LAMA3: variants seen among roughly 807,000 people sequenced by gnomAD.
LAMA3 encodes the protein laminin subunit alpha 3, also known as laminin subunit alpha-3.
LAMA3 carries 281 observed loss-of-function variants against 402.0 expected under a neutral mutation model. The ratio of observed to expected loss-of-function variants is 0.70; its 90% CI spans 0.63 to 0.77. The LOEUF (loss-of-function observed/expected upper bound fraction) is 0.77. Among genes scored for constraint, LAMA3 ranks in the 30% least tolerant of loss-of-function variants. The pLI is 0.00. For missense variants in LAMA3, 3,840 were observed against 4,215.5 expected, an observed-to-expected ratio of 0.91 and a Z score of 2.47; for synonymous variants, 1,431 against 1,558.4, an observed-to-expected ratio of 0.92 and a Z score of 1.93.
rs1262340 is a variant in LAMA3, at chr18:23,895,189, G to A, written c.5613+131G>A. On this transcript the variant is annotated intron_variant, in intron 44 of 74. Transcript: ENST00000313654. ...TTGTCCTCCTTCCTCTGATCCAAAT[G>A]AAGATAAGACTTTTCCTGGTGGAAA... 0.14 allele frequency: 147,354 copies of A among 1,049,764 alleles called. 12,529 individuals are homozygous for A. The highest frequency in any genetic ancestry group is 0.17 in the Non-Finnish European group (121,625 of 706,678). 65.0% of individuals were successfully genotyped at this position (1,049,764 alleles called of 1,614,324 possible).
At chr18:23,908,533 CAAAAAAAA>C (rs111961159) in intron 54 of LAMA3, among the ~76,000 whole-genome samples, 1 of 57,044 alleles carries the variant, frequency 1.8e-5, no homozygotes, top group Non-Finnish European at 4.1e-5. Context: ...CCATCTCAAA[CAAAAAAAA>C]AAAAAAAAAA....
At chr18:23,909,412 A>G in intron 55 of LAMA3, 117 bp downstream of exon 55, 2 of 946,078 alleles carry the variant, frequency 2.1e-6, no homozygotes, top group Non-Finnish European at 3.4e-6. Flanking sequence ...TCTTTCCCCA[A>G]TTCTTGTGTT....
chr18:23,889,403 A>G (rs1192039082), intron 41 of LAMA3, among the ~76,000 whole-genome samples: 1 of 151,784 alleles, frequency 6.6e-6, no homozygotes, highest in Non-Finnish European at 1.5e-5. Context: ...CTCTACTAAA[A>G]ATTAAAAAAT....
At chr18:23,761,952 C>T (rs2061978018) in intron 7 of LAMA3, among the ~76,000 whole-genome samples, 2 of 152,174 alleles carry the variant, frequency 1.3e-5, no homozygotes, top group Non-Finnish European at 2.9e-5. Flanking sequence ...GTGGGTGGCT[C>T]ATGCCTGTAA....
In LAMA3 at chr18:23,729,078, C is replaced by A. The variant is rs571727889; in HGVS notation, c.447+15006C>A. 2.4e-3 allele frequency among the ~76,000 whole-genome samples: 361 copies of A among 147,972 alleles called. 2 individuals are homozygous for A. The highest frequency in any genetic ancestry group is 8.8e-3 in the African/African-American group (351 of 40,082). On this transcript the variant is annotated intron_variant, in intron 2 of 74. Coordinates refer to ENST00000313654, the MANE Select transcript of LAMA3 (RefSeq NM_198129.4). ...ATGAAGGAAAGTATTGAGGGGTGACCATACTGAAGTTTTTAAAAAGTGCAT... is the reference window on the plus strand; with the variant it reads ...ATGAAGGAAAGTATTGAGGGGTGACAATACTGAAGTTTTTAAAAAGTGCAT...
rs1240541442 is a variant in LAMA3, at chr18:23,904,157, AGG to A, written c.6473+71_6473+72del. ...TCAGCAGCTTGTCCTGAGACAAGCA[AGG>A]CCCTCCCCTGGGTTGGCTGGGTCTC... On this transcript the variant is annotated intron_variant, in intron 50 of 74. Coordinates refer to ENST00000313654, the MANE Select transcript of LAMA3 (RefSeq NM_198129.4). 2.2e-5 allele frequency: 34 copies of A among 1,577,224 alleles called. No individual in the cohort carries two copies. In the African/African-American group the frequency reaches 4.4e-4, roughly 21 times the overall value.
At chr18:23,697,880 A>G (rs61429550) in intron 1 of LAMA3, among the ~76,000 whole-genome samples, 7,264 of 151,992 alleles carry the variant, frequency 0.048, 429 homozygotes, top group Admixed American at 0.17. Flanking sequence ...AGTCTAAGGC[A>G]TGGGTATGGC....
At chr18:23,843,227 G>A (rs1404337955) in intron 29 of LAMA3, among the ~76,000 whole-genome samples, 4 of 152,148 alleles carry the variant, frequency 2.6e-5, no homozygotes, top group South Asian at 2.1e-4. Flanking sequence ...CTGTGGGAAG[G>A]ACACCCACAT....
intron 8 of LAMA3, among the ~76,000 whole-genome samples, chr18:23,770,739 C>T (rs1056696758): frequency 7.2e-5 from 11 of 151,886 alleles, no homozygotes; most frequent in African/African-American, 1.2e-4. Context: ...CCAGCCTGGG[C>T]GACAGAGCGA....
At chr18:23,797,005 G>A (rs1239001614) in intron 12 of LAMA3, among the ~76,000 whole-genome samples, 1 of 152,076 alleles carries the variant, frequency 6.6e-6, no homozygotes, top group Non-Finnish European at 1.5e-5. Flanking sequence ...GAAGGTCTGG[G>A]GTCAGCCTCT....
intron 62 of LAMA3, among the ~76,000 whole-genome samples, chr18:23,925,106 A>G (rs961894686): frequency 1.3e-5 from 2 of 152,218 alleles, no homozygotes; most frequent in African/African-American, 4.8e-5. Context: ...TGTAGGGGCA[A>G]CCAGCCAACG....
rs764783100 is a variant in LAMA3 at position 23,899,071 on chromosome 18, A to AGG, written c.5836+6_5836+7insGG. On this transcript the variant is annotated splice_region_variant and intron_variant, in intron 46 of 74. Coordinates refer to ENST00000313654, the MANE Select transcript of LAMA3 (RefSeq NM_198129.4). ...TGTCATCCGGAATGTGCACAGTAAG[A>AGG]AGAGTTATTAAGCCCAATTACATTT... The AGG allele has an allele frequency of 1.6e-5, 26 of 1,600,520 alleles. No individual in the cohort carries two copies. Among genetic ancestry groups the AGG allele is most frequent in the Admixed American group, 1.5e-4 (9 of 59,978 alleles).
chr18:23,907,627 C>G lies in LAMA3; in HGVS notation c.6796C>G (p.Leu2266Val). The part of the protein sequence containing the change: ...TVQKEVIDTN[L>V]TTLRDGLHGI... ...TCAGAAAGAAGTGATAGACACCAAT[C>G]TCACAACTCTCCGAGATGGTCTTCA... The change falls in exon 53 of 75, where the codon CTC becomes GTC. Residue 2266 changes from leucine to valine, a missense_variant. Physicochemically the swap from Leu to Val is conservative, Grantham distance 32 (BLOSUM62 1). Transcript: ENST00000313654. 5.0e-6 allele frequency: 8 copies of G among 1,613,878 alleles called. No homozygotes were observed. Among genetic ancestry groups the G allele is most frequent in the Non-Finnish European group, 6.8e-6 (8 of 1,179,702 alleles).
intron 2 of LAMA3, among the ~76,000 whole-genome samples, chr18:23,715,117 T>C (rs902755859): frequency 2.6e-5 from 4 of 151,986 alleles, no homozygotes; most frequent in South Asian, 2.1e-4. Flanking sequence ...TGGAGGAAAT[T>C]GGGGCGTGAC....
At chr18:23,865,014 TA>T (rs2064320109) in intron 36 of LAMA3, 131 bp downstream of exon 36, 2 of 710,646 alleles carry the variant, frequency 2.8e-6, no homozygotes, top group African/African-American at 3.5e-5. Context: ...TTGCAGAAAC[TA>T]AATGAAAGTT....
chr18:23,936,441 A>G (rs1026369070), intron 67 of LAMA3, among the ~76,000 whole-genome samples: 10 of 135,872 alleles, frequency 7.4e-5, no homozygotes, highest in Non-Finnish European at 1.2e-4. Flanking sequence ...CCTGTGTCCA[A>G]GTGTTCAAAC....
intron 68 of LAMA3, among the ~76,000 whole-genome samples, 161 bp downstream of exon 68, chr18:23,939,547 T>C (rs1323742456): frequency 6.6e-6 from 1 of 152,216 alleles, no homozygotes; most frequent in Non-Finnish European, 1.5e-5. Flanking sequence ...ACAGGGAGCG[T>C]GATTGCCTGC....
chr18:23,744,688 C>T lies in LAMA3; in HGVS notation c.448-3255C>T, dbSNP rs1031032814. ...CTACTAAAAATACAAAAAAATTAGC[C>T]GGGCGTGGTGGCAGGTGCCTGTGGT... On this transcript the variant is annotated intron_variant, in intron 2 of 74. Transcript: ENST00000313654. Among the ~76,000 whole-genome samples the T allele has an allele frequency of 1.3e-4, 19 of 151,754 alleles. No individual in the cohort carries two copies. In the South Asian group the frequency reaches 3.8e-3, roughly 30 times the overall value.
At chr18:23,818,274 A>G (rs773509004) in intron 18 of LAMA3, among the ~76,000 whole-genome samples, 5 of 152,214 alleles carry the variant, frequency 3.3e-5, no homozygotes, top group Non-Finnish European at 7.3e-5. Context: ...TATGTAGGTG[A>G]TTGACTGATT....
Sources: gnomAD v4.1 joint callset for allele counts (sites outside exome capture counted in the v4.1 genomes callset) on GRCh38, gnomAD v4.1.1 for gene constraint, MANE v1.5 for transcripts, NCBI Gene and HGNC (gene_info 2026-07-23, HGNC 2026-07-21) for gene names.